Variants in MRPS5 observed in about 807,000 individuals in gnomAD.
MRPS5 encodes mitochondrial ribosomal protein S5, also known as small ribosomal subunit protein uS5m.
MRPS5 carries 27 observed loss-of-function variants against 51.9 expected under a neutral mutation model. That is an observed-to-expected ratio of 0.52 (90% confidence interval 0.38 to 0.72). The LOEUF is 0.72. Ranked by LOEUF, MRPS5 falls within the 30% of genes least tolerant of loss-of-function variation. The pLI is 0.00. For missense variants in MRPS5, 570 were observed against 545.7 expected (o/e 1.04, Z -0.44); for synonymous variants, 196 against 193.2 (o/e 1.01, Z -0.12).
At chr2:95,089,563 C>T (rs1027622930) in intron 11 of MRPS5, among the ~76,000 whole-genome samples, 1 of 152,110 alleles carries the variant, frequency 6.6e-6, no homozygotes, top group African/African-American at 2.4e-5. Flanking sequence ...GGGAGCCGGG[C>T]CCAGGGCTCC....
At chr2:95,110,998 G>C (rs1358026717) in intron 3 of MRPS5, among the ~76,000 whole-genome samples, 1 of 152,094 alleles carries the variant, frequency 6.6e-6, no homozygotes, top group African/African-American at 2.4e-5. Context: ...AAGGTCTTAC[G>C]CTGATCCTCC....
intron 2 of MRPS5, 48 bp from the exon 3 acceptor site, chr2:95,115,251 GAA>G (rs1430783243): frequency 7.0e-7 from 1 of 1,425,014 alleles, no homozygotes; most frequent in Admixed American, 2.6e-5. Context: ...CACAGCTGTG[GAA>G]AAACACTGCT....
At chr2:95,118,361 C>G (rs1298705446) in intron 1 of MRPS5, among the ~76,000 whole-genome samples, 1 of 152,220 alleles carries the variant, frequency 6.6e-6, no homozygotes, top group Admixed American at 6.5e-5. Flanking sequence ...TATTCTCTGA[C>G]TCCCTACTAT....
chr2:95,105,557 AGGCC>A (rs1675926283), intron 6 of MRPS5, among the ~76,000 whole-genome samples: 1 of 152,034 alleles, frequency 6.6e-6, no homozygotes, highest in Non-Finnish European at 1.5e-5. Flanking sequence ...AAAAAAAAAA[AGGCC>A]AGGAACTATT....
chr2:95,096,109 C>T lies in MRPS5; in HGVS notation c.931+4365G>A, dbSNP rs539765782. 5.3e-5 allele frequency among the ~76,000 whole-genome samples: 8 copies of T among 152,298 alleles called. No individual in the cohort carries two copies. In the East Asian group the frequency reaches 1.4e-3, roughly 26 times the overall value. On this transcript the variant is annotated intron_variant, in intron 10 of 11. Transcript: ENST00000272418. ...GAAGAAATGAATAAATTCCTCGACA[C>T]ATACACCCTCCCCAGACTAAACCAG... is the stretch of plus-strand genomic sequence containing the variant.
At position 95,108,415 on chromosome 2, in the gene MRPS5, G is replaced by T; in HGVS notation, c.404-7C>A. The T allele has an allele frequency of 6.3e-7, 1 of 1,599,840 alleles. No individual in the cohort carries two copies. The highest frequency in any genetic ancestry group is 8.5e-7 in the Non-Finnish European group (1 of 1,172,134). ...CATAGAAAACCATAACGCCCTGAAG[G>T]TTTAAAAATATAAATAATAATTTTG... On this transcript the variant is annotated splice_polypyrimidine_tract_variant and splice_region_variant and intron_variant, in intron 4 of 11. Coordinates refer to ENST00000272418, the MANE Select transcript of MRPS5 (RefSeq NM_031902.5).
chr2:95,105,324 C>T (rs1240947567), intron 6 of MRPS5, among the ~76,000 whole-genome samples: 2 of 152,288 alleles, frequency 1.3e-5, no homozygotes, highest in African/African-American at 2.4e-5. Context: ...CCGACGCAGA[C>T]GGATCACGAG....
chr2:95,090,357 C>G, intron 11 of MRPS5, 29 bp downstream of exon 11: 2 of 1,611,120 alleles, frequency 1.2e-6, no homozygotes, highest in Non-Finnish European at 8.5e-7. Context: ...AAACTAGAAC[C>G]TCTGTTTCAG....
At chr2:95,117,044 G>A (rs1192516524) in intron 2 of MRPS5, among the ~76,000 whole-genome samples, 2 of 152,076 alleles carry the variant, frequency 1.3e-5, no homozygotes, top group African/African-American at 4.8e-5. Flanking sequence ...GAGAGGCTGA[G>A]GCAGGAGAAT....
intron 6 of MRPS5, 98 bp downstream of exon 6, chr2:95,106,325 T>C (rs2104414773): frequency 1.0e-6 from 1 of 988,748 alleles, no homozygotes; most frequent in Non-Finnish European, 1.6e-6. Flanking sequence ...TAGTCATGCA[T>C]CCAAGGCCTT....
At chr2:95,106,369 A>AACCCCC in intron 6 of MRPS5, 54 bp downstream of exon 6, 1 of 511,786 alleles carries the variant, frequency 2.0e-6, no homozygotes. Flanking sequence ...TCCCTGCCCC[A>AACCCCC]CCCACCCCAA....
chr2:95,109,301 T>A (rs1676046160), intron 4 of MRPS5, among the ~76,000 whole-genome samples: 1 of 152,192 alleles, frequency 6.6e-6, no homozygotes, highest in Non-Finnish European at 1.5e-5. Flanking sequence ...GCCATTACTA[T>A]CAAAGATGGT....
chr2:95,090,176 C>CAAAAAA (rs35901146), intron 11 of MRPS5, among the ~76,000 whole-genome samples: 1 of 43,528 alleles, frequency 2.3e-5, no homozygotes, highest in Non-Finnish European at 4.0e-5. Context: ...GACTCCGTCT[C>CAAAAAA]AAAAAAAAAA....
intron 6 of MRPS5, 39 bp downstream of exon 6, chr2:95,106,380 CCTCT>C: frequency 6.4e-6 from 4 of 620,230 alleles, no homozygotes; most frequent in Non-Finnish European, 1.2e-5. Context: ...CCCACCCCAA[CCTCT>C]CCAAAGGCTT....
At chr2:95,106,765 T>C in intron 5 of MRPS5, 6 of 426,730 alleles carry the variant, frequency 1.4e-5, no homozygotes, top group South Asian at 2.5e-5. Context: ...TCACGGCCTC[T>C]CCCCCTAGGC....
chr2:95,092,682 A>C (rs990197015), intron 10 of MRPS5: 1 of 152,246 alleles, frequency 6.6e-6, no homozygotes, highest in African/African-American at 2.4e-5. Context: ...AGAAGACAGG[A>C]AAGATTTTAA....
rs1040009615 is a variant in MRPS5, at chr2:95,086,331, AAAGAG to A, written c.*1021_*1025del. Among the ~76,000 whole-genome samples, 1 of 152,266 alleles carries A rather than the reference AAAGAG, an allele frequency of 6.6e-6. No homozygotes were observed. The highest frequency in any genetic ancestry group is 1.5e-5 in the Non-Finnish European group (1 of 68,040). On this transcript the variant is annotated 3_prime_UTR_variant, in exon 12 of 12. Coordinates refer to ENST00000272418, the MANE Select transcript of MRPS5 (RefSeq NM_031902.5). ...GTCTCAGCAAATAGCCTCAGCAAAT[AAAGAG>A]AAGACATAAAAAATAAACCAAATGG... is the stretch of plus-strand genomic sequence containing the variant.
intron 10 of MRPS5, among the ~76,000 whole-genome samples, chr2:95,098,394 T>G (rs528499301): frequency 2.0e-5 from 3 of 152,318 alleles, no homozygotes; most frequent in Admixed American, 2.0e-4. Context: ...TGCACACATA[T>G]GTTTATTGCG....
intron 9 of MRPS5, 26 bp downstream of exon 9, chr2:95,100,811 A>G: frequency 6.5e-7 from 1 of 1,533,858 alleles, no homozygotes. Context: ...TGCAAATTAA[A>G]AAAAAAAAAA....
Sources: gnomAD v4.1 joint callset for allele counts (sites outside exome capture counted in the v4.1 genomes callset) on GRCh38, gnomAD v4.1.1 for gene constraint, MANE v1.5 for transcripts, NCBI Gene and HGNC (gene_info 2026-07-23, HGNC 2026-07-21) for gene names.